The following KCNH7 variants were observed in gnomAD, a reference collection of about 807,000 sequenced individuals.
KCNH7 encodes the protein voltage-gated inwardly rectifying potassium channel KCNH7.
A neutral mutation model predicts 120.8 loss-of-function variants in KCNH7; 49 were observed. The ratio of observed to expected loss-of-function variants is 0.41; its 90% CI spans 0.32 to 0.51. KCNH7 has a LOEUF of 0.51. Among genes scored for constraint, KCNH7 ranks in the 20% least tolerant of loss-of-function variants. The pLI is 0.38. For synonymous variants in KCNH7, 547 were observed against 516.1 expected (o/e 1.06, Z -0.81); for missense variants, 1,097 against 1,446.6 (o/e 0.76, Z 3.92).
intron 2 of KCNH7, among the ~76,000 whole-genome samples, chr2:162,763,825 C>A (rs557702513): frequency 3.8e-4 from 56 of 149,184 alleles, no homozygotes; most frequent in African/African-American, 1.4e-3. Context: ...TCATTTGCTG[C>A]CTACTATGTG....
chr2:162,808,775 T>A (rs1684635800), intron 2 of KCNH7, among the ~76,000 whole-genome samples: 1 of 151,900 alleles, frequency 6.6e-6, no homozygotes, highest in African/African-American at 2.4e-5. Context: ...CTAATTATAT[T>A]TTTCATAAAG....
chr2:162,421,967 G>A (rs1266226481), intron 9 of KCNH7, among the ~76,000 whole-genome samples: 2 of 152,098 alleles, frequency 1.3e-5, no homozygotes, highest in Non-Finnish European at 2.9e-5. Flanking sequence ...GATTTTGAAT[G>A]CTGATACCTT....
chr2:162,705,750 G>T (rs531311381), intron 2 of KCNH7, among the ~76,000 whole-genome samples: 1 of 152,194 alleles, frequency 6.6e-6, no homozygotes, highest in Admixed American at 6.6e-5. Flanking sequence ...CTAAATCCTT[G>T]CTGAGAGGAT....
At chr2:162,605,645 C>T (rs558394841) in intron 2 of KCNH7, among the ~76,000 whole-genome samples, 1 of 152,156 alleles carries the variant, frequency 6.6e-6, no homozygotes, top group African/African-American at 2.4e-5. Flanking sequence ...TTTCTAGATG[C>T]CTGGAAGGTG....
chr2:162,505,110 T>C (rs2105755092), intron 5 of KCNH7, among the ~76,000 whole-genome samples: 2 of 152,092 alleles, frequency 1.3e-5, no homozygotes, highest in Middle Eastern at 6.8e-3. Context: ...TACTCCCCTG[T>C]CTGTGTCACT....
chr2:162,391,589 T>C (rs974931973), intron 12 of KCNH7, among the ~76,000 whole-genome samples: 1 of 152,076 alleles, frequency 6.6e-6, no homozygotes, highest in Non-Finnish European at 1.5e-5. Flanking sequence ...TTTGATCTCA[T>C]ATACCAAGCC....
chr2:162,632,802 A>C (rs551489332), intron 2 of KCNH7, among the ~76,000 whole-genome samples: 2 of 151,880 alleles, frequency 1.3e-5, no homozygotes, highest in Admixed American at 6.6e-5. Flanking sequence ...AAATTAGATC[A>C]TATATAGTGC....
intron 2 of KCNH7, among the ~76,000 whole-genome samples, chr2:162,626,141 A>G (rs941691236): frequency 3.3e-5 from 5 of 152,128 alleles, no homozygotes; most frequent in African/African-American, 1.2e-4. Context: ...TACTATTTTT[A>G]TGGTATGCAG....
chr2:162,610,461 T>C (rs943769699), intron 2 of KCNH7, among the ~76,000 whole-genome samples: 2 of 152,232 alleles, frequency 1.3e-5, no homozygotes, highest in African/African-American at 4.8e-5. Context: ...TATTCTGCCA[T>C]TGAGCCAGAA....
At chr2:162,493,363 G>A (rs953621260) in intron 6 of KCNH7, among the ~76,000 whole-genome samples, 2 of 152,034 alleles carry the variant, frequency 1.3e-5, no homozygotes, top group African/African-American at 4.8e-5. Flanking sequence ...TTTTTTGAAG[G>A]AAAAATAAAA....
chr2:162,701,545 A>C (rs1323349270), intron 2 of KCNH7, among the ~76,000 whole-genome samples: 2 of 152,174 alleles, frequency 1.3e-5, no homozygotes, highest in African/African-American at 2.4e-5. Flanking sequence ...AGAAGGGAAC[A>C]GATATGACAG....
At chr2:162,531,031 C>T (rs191313424) in intron 3 of KCNH7, among the ~76,000 whole-genome samples, 2 of 151,876 alleles carry the variant, frequency 1.3e-5, no homozygotes, top group South Asian at 2.1e-4. Context: ...AAATAATGGG[C>T]CTTTGTAATG....
chr2:162,379,306 G>T (rs1428502350), intron 14 of KCNH7, among the ~76,000 whole-genome samples: 1 of 152,098 alleles, frequency 6.6e-6, no homozygotes, highest in African/African-American at 2.4e-5. Flanking sequence ...TTAGGGGAAG[G>T]GATTACCTCC....
At chr2:162,807,278 A>AC (rs1684581741) in intron 2 of KCNH7, among the ~76,000 whole-genome samples, 1 of 150,192 alleles carries the variant, frequency 6.7e-6, no homozygotes. Flanking sequence ...AAAAAAAAAA[A>AC]AAAAACAAAT....
intron 3 of KCNH7, among the ~76,000 whole-genome samples, chr2:162,523,472 A>AAATTGGCT (rs1355803132): frequency 4.6e-5 from 7 of 151,844 alleles, no homozygotes; most frequent in Non-Finnish European, 1.0e-4. Flanking sequence ...GGGGCTTCAA[A>AAATTGGCT]AATTGGCTTT....
intron 2 of KCNH7, among the ~76,000 whole-genome samples, chr2:162,675,320 T>G (rs1685497508): frequency 6.6e-6 from 1 of 151,406 alleles, no homozygotes; most frequent in Admixed American, 6.6e-5. Flanking sequence ...CCAAACAGCA[T>G]CAAGCATTGA....
chr2:162,741,885 T>C (rs1007176264), intron 2 of KCNH7, among the ~76,000 whole-genome samples: 5 of 152,192 alleles, frequency 3.3e-5, no homozygotes, highest in Non-Finnish European at 7.4e-5. Context: ...TAATATAATT[T>C]ATTTTCTTTA....
chr2:162,464,258 G>T (rs1558959200), intron 6 of KCNH7, among the ~76,000 whole-genome samples: 1 of 151,872 alleles, frequency 6.6e-6, no homozygotes, highest in Non-Finnish European at 1.5e-5. Flanking sequence ...TTCCTAGGAG[G>T]CAATTTCTCT....
At chr2:162,387,967 G>C (rs1407061025) in intron 12 of KCNH7, among the ~76,000 whole-genome samples, 1 of 151,700 alleles carries the variant, frequency 6.6e-6, no homozygotes, top group African/African-American at 2.4e-5. Context: ...AAGCATTTAA[G>C]GTGCTCTCTC....
Sources: gnomAD v4.1 joint callset for allele counts (sites outside exome capture counted in the v4.1 genomes callset) on GRCh38, gnomAD v4.1.1 for gene constraint, MANE v1.5 for transcripts, NCBI Gene and HGNC (gene_info 2026-07-23, HGNC 2026-07-21) for gene names.